The following FARS2 variants were observed in gnomAD, a reference collection of about 807,000 sequenced individuals.
FARS2 encodes the protein phenylalanine--tRNA ligase, mitochondrial.
Under a neutral mutation model 46.4 loss-of-function variants are expected in FARS2, and 40 were observed. That is an observed-to-expected ratio of 0.86 (90% CI 0.67 to 1.12). FARS2 has a LOEUF of 1.12. Among genes scored for constraint, FARS2 ranks in the 50% most tolerant of loss-of-function variants. The pLI is 0.00. For synonymous variants in FARS2, 234 were observed against 214.9 expected, an observed-to-expected ratio of 1.09 and a Z score of -0.78; for missense variants, 513 against 567.9, an observed-to-expected ratio of 0.90 and a Z score of 0.98.
chr6:5,433,543 G>A (rs1013534115), intron 4 of FARS2, among the ~76,000 whole-genome samples: 1 of 152,024 alleles, frequency 6.6e-6, no homozygotes, highest in Non-Finnish European at 1.5e-5. Flanking sequence ...ATTTTACAGG[G>A]AAAAAGAAAA....
At chr6:5,629,505 G>T (rs780471169) in intron 6 of FARS2, among the ~76,000 whole-genome samples, 1 of 152,170 alleles carries the variant, frequency 6.6e-6, no homozygotes, top group African/African-American at 2.4e-5. Flanking sequence ...GAAGTAGTGT[G>T]AGCAGCATAA....
rs1418275055 is a variant in FARS2, at chr6:5,764,462, G to A, written c.1218-6829G>A. 6.6e-6 allele frequency among the ~76,000 whole-genome samples: 1 copy of A among 152,104 alleles called. No homozygotes were observed. Among genetic ancestry groups the A allele is most frequent in the Non-Finnish European group, 1.5e-5 (1 of 68,028 alleles). On this transcript the variant is annotated intron_variant, in intron 6 of 6. Coordinates refer to ENST00000274680, the MANE Select transcript of FARS2 (RefSeq NM_006567.5). This position sits in a 1 kb window ranked among gnomAD's most constrained non-coding sequence, Gnocchi z 4.1. ...CAGCCATGCACAGTGCCTCTGACGT[G>A]GGCAGCTCCAGACTGAGCTTCTGCA...
At chr6:5,530,847 AATAG>A (rs989061403) in intron 4 of FARS2, among the ~76,000 whole-genome samples, 12 of 147,644 alleles carry the variant, frequency 8.1e-5, no homozygotes, top group African/African-American at 2.5e-4. Flanking sequence ...TAAATATATC[AATAG>A]ATATATATTT....
intron 6 of FARS2, among the ~76,000 whole-genome samples, chr6:5,671,205 G>A (rs905147252): frequency 1.3e-5 from 2 of 152,208 alleles, no homozygotes; most frequent in African/African-American, 4.8e-5. Context: ...CCTGTTGCTG[G>A]CCAGAAGCTG....
chr6:5,287,641 C>T (rs1767216337), intron 1 of FARS2, among the ~76,000 whole-genome samples: 1 of 152,192 alleles, frequency 6.6e-6, no homozygotes, highest in Non-Finnish European at 1.5e-5. Flanking sequence ...GAGAGTTGGC[C>T]TACTTTCTGT....
chr6:5,669,381 C>G (rs540478328), intron 6 of FARS2, among the ~76,000 whole-genome samples: 1 of 151,874 alleles, frequency 6.6e-6, no homozygotes, highest in African/African-American at 2.4e-5. Flanking sequence ...CTCCCCCCAC[C>G]CCCCCGCTGC....
At position 5,769,602 on chromosome 6, in the gene FARS2, GC is replaced by G. The variant is rs1762928729; in HGVS notation, c.1218-1687del. Among the ~76,000 whole-genome samples the G allele has an allele frequency of 2.0e-5, 3 of 152,330 alleles. No individual in the cohort carries two copies. The South Asian group carries it at 6.2e-4, about 32-fold the overall frequency. ...GAATGTCCACAGAGCAGAGCCATTG[GC>G]CTGAGCTGGACTGAAAAAGAAAGAG... On this transcript the variant is annotated intron_variant, in intron 6 of 6. Transcript: ENST00000274680.
chr6:5,584,102 C>T (rs927289848), intron 5 of FARS2, among the ~76,000 whole-genome samples: 17 of 128,906 alleles, frequency 1.3e-4, no homozygotes, highest in Non-Finnish European at 2.4e-4. Flanking sequence ...CTCTCTTTCT[C>T]TCTCTGACAC....
intron 6 of FARS2, among the ~76,000 whole-genome samples, chr6:5,671,551 C>G (rs867814006): frequency 3.9e-5 from 6 of 152,208 alleles, no homozygotes; most frequent in Admixed American, 6.5e-5. Context: ...GCTCCCCCTT[C>G]TCGTGCCCCA....
intron 6 of FARS2, among the ~76,000 whole-genome samples, chr6:5,700,560 G>A (rs540352885): frequency 6.6e-6 from 1 of 152,202 alleles, no homozygotes; most frequent in African/African-American, 2.4e-5. Flanking sequence ...ACCATGTCCA[G>A]CTGATTTTTG....
intron 6 of FARS2, among the ~76,000 whole-genome samples, chr6:5,638,542 C>A (rs562829623): frequency 1.3e-5 from 2 of 152,294 alleles, no homozygotes; most frequent in East Asian, 3.9e-4. Flanking sequence ...TCCAGCCTGC[C>A]TGACAGAGCG....
intron 4 of FARS2, among the ~76,000 whole-genome samples, chr6:5,448,499 T>G (rs1210032848): frequency 6.6e-6 from 1 of 152,096 alleles, no homozygotes; most frequent in Non-Finnish European, 1.5e-5. Flanking sequence ...ACAGTGTATT[T>G]TAGAGATGTT....
Position 5,399,127 on chromosome 6 carries a change from T to TTTTTTA in FARS2, c.613-5413_613-5412insTTTATT, listed in dbSNP as rs1554178400. ...CACCTCTGGGTAGATTTTATATTAT[T>TTTTTTA]TTATTATTATTATTATTATTATTAT... On this transcript the variant is annotated intron_variant, in intron 2 of 6. Coordinates refer to ENST00000274680, the MANE Select transcript of FARS2 (RefSeq NM_006567.5). Among the ~76,000 whole-genome samples the TTTTTTA allele has an allele frequency of 1.5e-3, 194 of 125,808 alleles. 2 individuals are homozygous for TTTTTTA. The highest frequency in any genetic ancestry group is 1.9e-3 in the Non-Finnish European group (117 of 61,530). The allele number at this position is 125,808 out of a possible 152,430, so 82.5% of individuals were successfully genotyped here. A position where few individuals can be genotyped will look rare whatever the true frequency, so the allele number is the denominator to read the frequency against.
At chr6:5,319,688 G>GGA (rs1203264396) in intron 1 of FARS2, among the ~76,000 whole-genome samples, 13 of 152,164 alleles carry the variant, frequency 8.5e-5, no homozygotes, top group Non-Finnish European at 1.2e-4. Flanking sequence ...TCTGCCTTAT[G>GGA]CCCCTTGGTG....
At chr6:5,711,937 CAGGGGAACCTCAGT>C (rs1228537250) in intron 6 of FARS2, among the ~76,000 whole-genome samples, 1 of 152,176 alleles carries the variant, frequency 6.6e-6, no homozygotes, top group Non-Finnish European at 1.5e-5. Flanking sequence ...ATGTTAATAT[CAGGGGAACCTCAGT>C]GGGGGAAATA....
At chr6:5,342,543 G>A (rs576899090) in intron 1 of FARS2, among the ~76,000 whole-genome samples, 13 of 152,022 alleles carry the variant, frequency 8.6e-5, no homozygotes, top group South Asian at 2.1e-4. Context: ...ACCTGAGGTC[G>A]GGAGTTCGAG....
chr6:5,392,893 A>ATATTATATATATGTATATATACATATG (rs1562007443), intron 2 of FARS2, among the ~76,000 whole-genome samples: 1 of 139,330 alleles, frequency 7.2e-6, no homozygotes, highest in Non-Finnish European at 1.5e-5. Context: ...ATATACATAT[A>ATATTATATATATGTATATATACATATG]TGTGTGTATA....
At chr6:5,553,784 G>T (rs1381403552) in intron 5 of FARS2, among the ~76,000 whole-genome samples, 3 of 152,166 alleles carry the variant, frequency 2.0e-5, no homozygotes, top group Non-Finnish European at 4.4e-5. Flanking sequence ...GTGGGTCTGG[G>T]GGGGTGCCTG....
At chr6:5,624,911 T>A (rs1775957519) in intron 6 of FARS2, among the ~76,000 whole-genome samples, 1 of 148,546 alleles carries the variant, frequency 6.7e-6, no homozygotes, top group African/African-American at 2.5e-5. Flanking sequence ...GTTCACAAGA[T>A]CACTTCTTTC....
Sources: gnomAD v4.1 joint callset for allele counts (sites outside exome capture counted in the v4.1 genomes callset) on GRCh38, gnomAD v4.1.1 for gene constraint, Gnocchi (gnomAD v3.1) non-coding constraint, MANE v1.5 for transcripts, NCBI Gene and HGNC (gene_info 2026-07-23, HGNC 2026-07-21) for gene names.